COL24A1: variants seen among roughly 807,000 people sequenced by gnomAD.
The protein encoded by COL24A1 is collagen type XXIV alpha 1 chain, also known as collagen alpha-1(XXIV) chain.
Under a neutral mutation model 253.9 loss-of-function variants are expected in COL24A1, and 224 were observed. The observed-to-expected ratio is 0.88, with a 90% CI of 0.79 to 0.99. The LOEUF is 0.99. COL24A1 is among the 50% of genes least tolerant of loss of function. The pLI is 0.00. For synonymous variants in COL24A1, 685 were observed against 673.7 expected, an observed-to-expected ratio of 1.02 and a Z score of -0.26; for missense variants, 2,131 against 2,068.5, an observed-to-expected ratio of 1.03 and a Z score of -0.59.
At chr1:85,770,034 T>C (rs1421569561) in intron 53 of COL24A1, among the ~76,000 whole-genome samples, 1 of 152,132 alleles carries the variant, frequency 6.6e-6, no homozygotes, top group East Asian at 1.9e-4. Flanking sequence ...CACACTGATA[T>C]GGAACATGGG....
At chr1:85,922,810 C>T (rs932828712) in intron 24 of COL24A1, among the ~76,000 whole-genome samples, 4 of 152,140 alleles carry the variant, frequency 2.6e-5, no homozygotes, top group Non-Finnish European at 4.4e-5. Flanking sequence ...CAAATTCACA[C>T]ATAACAATAT....
chr1:85,823,264 C>T (rs1673852296), intron 45 of COL24A1, among the ~76,000 whole-genome samples: 1 of 152,006 alleles, frequency 6.6e-6, no homozygotes, highest in African/African-American at 2.4e-5. Context: ...CAAGAACATA[C>T]TATTAATTTG....
intron 9 of COL24A1, 54 bp downstream of exon 9, chr1:86,059,067 A>G: frequency 8.6e-7 from 1 of 1,169,456 alleles, no homozygotes; most frequent in South Asian, 1.5e-5. Context: ...TCAGAAATAC[A>G]ATGTATTAAT....
chr1:85,870,598 C>G (rs1279420862), intron 35 of COL24A1, among the ~76,000 whole-genome samples: 1 of 152,214 alleles, frequency 6.6e-6, no homozygotes, highest in Non-Finnish European at 1.5e-5. Context: ...TGAATGACTA[C>G]TGGGTACATA....
At chr1:85,916,424 T>G (rs1194271069) in intron 24 of COL24A1, among the ~76,000 whole-genome samples, 1 of 152,214 alleles carries the variant, frequency 6.6e-6, no homozygotes, top group Non-Finnish European at 1.5e-5. Context: ...CCCATGGATA[T>G]CTTTAATAAA....
At chr1:85,932,854 G>C (rs1471133857) in intron 24 of COL24A1, among the ~76,000 whole-genome samples, 1 of 69,366 alleles carries the variant, frequency 1.4e-5, no homozygotes, top group Non-Finnish European at 2.7e-5. Flanking sequence ...ACCAAACACC[G>C]CATATTCTCA....
chr1:85,799,171 G>T (rs1671133085), intron 47 of COL24A1, among the ~76,000 whole-genome samples: 2 of 127,756 alleles, frequency 1.6e-5, no homozygotes, highest in Admixed American at 8.4e-5. Context: ...TGAAACTGCA[G>T]AGTGAATATG....
At chr1:85,814,927 G>A (rs1159989334) in intron 47 of COL24A1, among the ~76,000 whole-genome samples, 2 of 151,956 alleles carry the variant, frequency 1.3e-5, no homozygotes. Context: ...TAGTATTTTA[G>A]CCTGAGAACA....
intron 22 of COL24A1, among the ~76,000 whole-genome samples, chr1:85,969,371 G>A (rs1011828295): frequency 3.3e-5 from 5 of 151,894 alleles, no homozygotes; most frequent in African/African-American, 7.3e-5. Flanking sequence ...TTGGGAGGCC[G>A]AGGTGGGTGG....
At chr1:85,855,680 G>A (rs192942441) in intron 37 of COL24A1, among the ~76,000 whole-genome samples, 57 of 151,806 alleles carry the variant, frequency 3.8e-4, no homozygotes, top group Non-Finnish European at 7.1e-4. Context: ...TTCTTTTTTT[G>A]TTGTTGTATA....
Position 85,775,705 on chromosome 1 carries a change from G to C in COL24A1, c.4343C>G (p.Pro1448Arg). 1 of 1,603,256 alleles carries C rather than the reference G, an allele frequency of 6.2e-7. No homozygotes were observed. Among genetic ancestry groups the C allele is most frequent in the Non-Finnish European group, 8.5e-7 (1 of 1,176,578 alleles). ...ACCTCTAAAGCCCTTTTCACCTCTG[G>C]GTCCCTAAAAGAAAAAAAAAAGATG... ...GIIGPTGRTG[P>R]RGEKGFRGET... Residue 1448 changes from proline (P) to arginine (R), a missense_variant, in exon 53 of 60, where the codon CCC (proline) becomes CGC (arginine). Coordinates refer to ENST00000370571, the MANE Select transcript of COL24A1 (RefSeq NM_152890.7).
chr1:86,115,456 C>G (rs1400915824), intron 3 of COL24A1, 78 bp from the exon 4 acceptor site: 6 of 1,384,682 alleles, frequency 4.3e-6, no homozygotes, highest in Non-Finnish European at 6.1e-6. Flanking sequence ...AAGATTTCCA[C>G]CCAAAGACAA....
intron 53 of COL24A1, among the ~76,000 whole-genome samples, chr1:85,770,407 G>A (rs1356106928): frequency 1.3e-5 from 2 of 151,196 alleles, no homozygotes; most frequent in Non-Finnish European, 2.9e-5. Context: ...TTATGTACTT[G>A]GTTTCAATCT....
chr1:85,888,518 G>C (rs1682768346), intron 32 of COL24A1, among the ~76,000 whole-genome samples: 1 of 152,068 alleles, frequency 6.6e-6, no homozygotes, highest in Non-Finnish European at 1.5e-5. Flanking sequence ...GCAGTGTACA[G>C]ACTTTTTAGG....
At chr1:85,883,162 G>A (rs543524814) in intron 32 of COL24A1, among the ~76,000 whole-genome samples, 10 of 151,400 alleles carry the variant, frequency 6.6e-5, no homozygotes, top group Admixed American at 4.0e-4. Context: ...TTCTTCTTTC[G>A]TCTTCTTCTT....
intron 28 of COL24A1, among the ~76,000 whole-genome samples, chr1:85,906,125 A>C (rs1684790838): frequency 6.6e-6 from 1 of 151,978 alleles, no homozygotes; most frequent in Non-Finnish European, 1.5e-5. Context: ...TTTTTCAGAA[A>C]GGAAACATTA....
At chr1:85,987,782 T>C (rs935754313) in intron 19 of COL24A1, 128 bp from the exon 20 acceptor site, 18 of 719,056 alleles carry the variant, frequency 2.5e-5, no homozygotes, top group African/African-American at 7.3e-5. Flanking sequence ...AAATTCAATA[T>C]TGAAGATTAA....
chr1:85,954,696 T>C (rs1033220707), intron 24 of COL24A1, among the ~76,000 whole-genome samples: 2 of 152,312 alleles, frequency 1.3e-5, no homozygotes, highest in Non-Finnish European at 1.5e-5. Flanking sequence ...ACATTTCATA[T>C]AAATTTCCAT....
At chr1:85,910,422 T>C (rs1168771280) in intron 25 of COL24A1, among the ~76,000 whole-genome samples, 1 of 151,934 alleles carries the variant, frequency 6.6e-6, no homozygotes, top group African/African-American at 2.4e-5. Context: ...TTTTATTTTA[T>C]AGTCTGCCTA....
Sources: gnomAD v4.1 joint callset for allele counts (sites outside exome capture counted in the v4.1 genomes callset) on GRCh38, gnomAD v4.1.1 for gene constraint, MANE v1.5 for transcripts, NCBI Gene and HGNC (gene_info 2026-07-23, HGNC 2026-07-21) for gene names.